HDAC9: variants seen among roughly 807,000 people sequenced by gnomAD.
HDAC9 encodes the protein histone deacetylase 9, also known as MEF-2 interacting transcription repressor (MITR) protein.
HDAC9 carries 41 observed loss-of-function variants against 139.4 expected under a neutral mutation model. The ratio of observed to expected loss-of-function variants is 0.29; its 90% CI spans 0.23 to 0.38. The LOEUF is 0.38. Among genes scored for constraint, HDAC9 ranks in the 10% least tolerant of loss-of-function variants. The probability of loss-of-function intolerance (pLI) is 1.00; values close to 1 mark genes in which losing one functional copy is unlikely to be tolerated. For missense variants in HDAC9, 1,147 were observed against 1,297.0 expected (o/e 0.88, Z 1.78); for synonymous variants, 517 against 476.2 (o/e 1.09, Z -1.12).
At chr7:18,510,170 C>T (rs114969937) in intron 2 of HDAC9, among the ~76,000 whole-genome samples, 347 of 152,210 alleles carry the variant, frequency 2.3e-3, no homozygotes, top group African/African-American at 7.8e-3. Flanking sequence ...CAGGAATGAC[C>T]TCCAATGCTT....
At chr7:18,876,734 C>T (rs1333776749) in intron 22 of HDAC9, among the ~76,000 whole-genome samples, 3 of 148,898 alleles carry the variant, frequency 2.0e-5, no homozygotes, top group Non-Finnish European at 4.4e-5. Flanking sequence ...CAGAGTTTCA[C>T]TCTTGTTGTC....
At chr7:18,793,675 G>T (rs1026177234) in intron 17 of HDAC9, among the ~76,000 whole-genome samples, 49 of 152,036 alleles carry the variant, frequency 3.2e-4, no homozygotes, top group African/African-American at 1.2e-3. Flanking sequence ...CTGCAGTCAG[G>T]GCCCACCGGT....
intron 1 of HDAC9, among the ~76,000 whole-genome samples, chr7:18,457,935 C>T (rs565023165): frequency 6.6e-6 from 1 of 152,110 alleles, no homozygotes; most frequent in Non-Finnish European, 1.5e-5. Flanking sequence ...TATGCAAATG[C>T]ACACACTGAC....
intron 2 of HDAC9, among the ~76,000 whole-genome samples, chr7:18,183,079 G>T (rs1249683294): frequency 6.6e-6 from 1 of 150,424 alleles, no homozygotes; most frequent in Non-Finnish European, 1.5e-5. Flanking sequence ...GCGCAATCTC[G>T]GCTCACTGCA....
intron 12 of HDAC9, among the ~76,000 whole-genome samples, chr7:18,713,021 T>C (rs1008848909): frequency 1.3e-5 from 2 of 152,180 alleles, no homozygotes; most frequent in Non-Finnish European, 2.9e-5. Context: ...TATTATATTA[T>C]CCATTTGTTC....
chr7:18,811,982 A>G (rs1239008232), intron 17 of HDAC9, among the ~76,000 whole-genome samples: 2 of 151,936 alleles, frequency 1.3e-5, no homozygotes, highest in African/African-American at 2.4e-5. Flanking sequence ...AAAATGTTGT[A>G]ATATACACAT....
At chr7:18,822,179 G>T (rs555639181) in intron 17 of HDAC9, among the ~76,000 whole-genome samples, 1 of 152,156 alleles carries the variant, frequency 6.6e-6, no homozygotes, top group Non-Finnish European at 1.5e-5. Context: ...AGGTTGGGCT[G>T]TGGGGATAAA....
At chr7:18,138,562 G>A (rs1426762889) in intron 1 of HDAC9, among the ~76,000 whole-genome samples, 2 of 145,350 alleles carry the variant, frequency 1.4e-5, no homozygotes, top group African/African-American at 5.4e-5. Flanking sequence ...GTGTGTGTGT[G>A]TGCACATGCT....
At chr7:18,802,060 A>T (rs1793344244) in intron 17 of HDAC9, among the ~76,000 whole-genome samples, 1 of 151,166 alleles carries the variant, frequency 6.6e-6, no homozygotes, top group Admixed American at 6.6e-5. Context: ...TATTTTTATT[A>T]TTTATTTTAT....
chr7:18,308,089 A>G (rs1799050604), intron 1 of HDAC9, among the ~76,000 whole-genome samples: 1 of 152,242 alleles, frequency 6.6e-6, no homozygotes, highest in Non-Finnish European at 1.5e-5. Flanking sequence ...ACATGTTTTC[A>G]AACTCAAATG....
At chr7:18,417,477 C>T (rs1185463280) in intron 1 of HDAC9, among the ~76,000 whole-genome samples, 1 of 152,054 alleles carries the variant, frequency 6.6e-6, no homozygotes, top group African/African-American at 2.4e-5. Flanking sequence ...GGAAACCAGT[C>T]ATTGTGAGTT....
intron 9 of HDAC9, among the ~76,000 whole-genome samples, chr7:18,645,282 G>T (rs970060735): frequency 5.3e-5 from 8 of 152,106 alleles, no homozygotes; most frequent in Non-Finnish European, 1.2e-4. Context: ...GTTTATTTTG[G>T]GAATTTAAGT....
chr7:18,551,102 T>C (rs79791325), intron 2 of HDAC9, among the ~76,000 whole-genome samples: 3,082 of 152,172 alleles, frequency 0.02, 113 homozygotes, highest in African/African-American at 0.07. Context: ...TAATACAGAT[T>C]GTGAGAGAAT....
rs1184750806 is a variant in HDAC9, at chr7:18,716,121, C to G, written c.1732-11459C>G. Among the ~76,000 whole-genome samples, 24 of 152,200 alleles carry G rather than the reference C, an allele frequency of 1.6e-4. 1 individual carries two copies. The highest frequency in any genetic ancestry group is 1.5e-5 in the Non-Finnish European group (1 of 67,994). On this transcript the variant is annotated intron_variant, in intron 12 of 25. Transcript: ENST00000686413. ...TTATTCAAACGAAACCTCTTTTTCC[C>G]CTCCTTCTCTTCAGGCTATTATCTC...
intron 1 of HDAC9, among the ~76,000 whole-genome samples, chr7:18,471,203 G>A (rs776382767): frequency 6.6e-6 from 1 of 151,942 alleles, no homozygotes; most frequent in Non-Finnish European, 1.5e-5. Flanking sequence ...AACTATAACC[G>A]GCACAGGGCA....
intron 2 of HDAC9, among the ~76,000 whole-genome samples, chr7:18,532,574 C>T (rs1809397306): frequency 6.6e-6 from 1 of 152,070 alleles, no homozygotes; most frequent in African/African-American, 2.4e-5. Flanking sequence ...TATTGACTAT[C>T]GTGAGAGCTG....
intron 17 of HDAC9, chr7:18,808,395 G>T (rs911680015): frequency 1.3e-5 from 2 of 152,128 alleles, no homozygotes; most frequent in Non-Finnish European, 2.9e-5. Context: ...GTCTCTGTTT[G>T]AATACGACAT....
intron 1 of HDAC9, among the ~76,000 whole-genome samples, chr7:18,325,885 T>C (rs1585185968): frequency 6.6e-6 from 1 of 152,078 alleles, no homozygotes; most frequent in East Asian, 1.9e-4. Flanking sequence ...CTAGGAACAA[T>C]AGGCTATACC....
intron 13 of HDAC9, among the ~76,000 whole-genome samples, chr7:18,741,280 C>T (rs1450845569): frequency 6.6e-6 from 1 of 152,208 alleles, no homozygotes; most frequent in Non-Finnish European, 1.5e-5. Context: ...TAAGCTGACT[C>T]TCTTGTTAGA....
Sources: allele counts gnomAD v4.1 joint callset (sites outside exome capture counted in the v4.1 genomes callset), GRCh38; gene constraint gnomAD v4.1.1; transcripts MANE v1.5; gene names NCBI Gene and HGNC (gene_info 2026-07-23, HGNC 2026-07-21).